The following CCNB1IP1 variants were observed in gnomAD, a reference collection of about 807,000 sequenced individuals.
The protein encoded by CCNB1IP1 is E3 ubiquitin-protein ligase CCNB1IP1.
Under a neutral mutation model 25.6 loss-of-function variants are expected in CCNB1IP1, and 14 were observed. That is an observed-to-expected ratio of 0.55 (90% CI 0.36 to 0.85). The LOEUF (loss-of-function observed/expected upper bound fraction) is 0.85. Ranked by LOEUF, CCNB1IP1 falls within the 40% of genes least tolerant of loss-of-function variation. The pLI is 0.01. For synonymous variants in CCNB1IP1, 119 were observed against 116.1 expected (o/e 1.02, Z -0.16); for missense variants, 278 against 342.4 (o/e 0.81, Z 1.48).
In CCNB1IP1 at chr14:20,311,614, G is replaced by A. The variant is rs1882482988; in HGVS notation, c.770C>T (p.Ser257Phe). The change falls in exon 7 of 7, where the codon TCT (serine) becomes TTT (phenylalanine). Residue 257 changes from serine (S) to phenylalanine (F), a missense_variant. Physicochemically the swap from Ser to Phe is radical, Grantham distance 155. Coordinates refer to ENST00000358932, the MANE Select transcript of CCNB1IP1 (RefSeq NM_021178.5). ...EPSNSFFSFVSPSRELEQQQV... is the reference protein window; with the variant it reads ...EPSNSFFSFVFPSRELEQQQV... ...CTGCTGCTCTAATTCACGACTTGGA[G>A]AGACAAAACTAAAAAAGCTGTTGCT... 1.2e-6 allele frequency: 2 copies of A among 1,614,048 alleles called. No individual in the cohort carries two copies. Among genetic ancestry groups the A allele is most frequent in the Non-Finnish European group, 1.7e-6 (2 of 1,180,014 alleles).
At chr14:20,324,976 A>AT (rs1277607409) in intron 4 of CCNB1IP1, among the ~76,000 whole-genome samples, 25 of 152,088 alleles carry the variant, frequency 1.6e-4, no homozygotes, top group African/African-American at 5.1e-4. Context: ...GGCCCAGATA[A>AT]TTTTTTGTAT....
chr14:20,331,679 A>G (rs1300729621), intron 1 of CCNB1IP1, among the ~76,000 whole-genome samples: 1 of 152,122 alleles, frequency 6.6e-6, no homozygotes, highest in African/African-American at 2.4e-5. Context: ...CTGAGTTACC[A>G]TTATACCCTG....
chr14:20,320,990 T>C (rs1882876707), intron 4 of CCNB1IP1, among the ~76,000 whole-genome samples: 1 of 151,002 alleles, frequency 6.6e-6, no homozygotes, highest in Non-Finnish European at 1.5e-5. Context: ...ATACAAAAAT[T>C]AGCTGGGTAT....
chr14:20,313,337 G>T (rs1473304717), intron 6 of CCNB1IP1, 131 bp downstream of exon 6: 15 of 618,412 alleles, frequency 2.4e-5, no homozygotes, highest in Non-Finnish European at 3.5e-5. Context: ...CATGGGTGAA[G>T]AATTCAGAGC....
chr14:20,313,474 G>T lies in CCNB1IP1; in HGVS notation c.625C>A (p.Pro209Thr). The T allele has an allele frequency of 6.4e-7, 1 of 1,574,254 alleles. No individual in the cohort carries two copies. The highest frequency in any genetic ancestry group is 8.6e-7 in the Non-Finnish European group (1 of 1,159,576). The change falls in exon 6 of 7, where the codon CCA becomes ACA. Residue 209 changes from proline to threonine, a missense_variant. Coordinates refer to ENST00000358932, the MANE Select transcript of CCNB1IP1 (RefSeq NM_021178.5). ...GATACATGTCCTTTCTTACCTAATG[G>T]GAAGCCAAGAACACCAGACTGTGCA... ...MIAQSGVLGF[P>T]LGNNSKFPLD...
chr14:20,315,286 T>C (rs957785066), intron 5 of CCNB1IP1, among the ~76,000 whole-genome samples: 13 of 152,066 alleles, frequency 8.5e-5, no homozygotes, highest in African/African-American at 3.1e-4. Context: ...CAATACCAAC[T>C]TCTGGCAAAG....
chr14:20,316,616 TAAAAAAG>T, intron 4 of CCNB1IP1, 56 bp from the exon 5 acceptor site: 2 of 982,588 alleles, frequency 2.0e-6, no homozygotes, highest in Non-Finnish European at 3.0e-6. Flanking sequence ...AAAATAAAAG[TAAAAAAG>T]AAATATAACA....
chr14:20,330,039 C>T (rs1883186189), intron 1 of CCNB1IP1, among the ~76,000 whole-genome samples: 1 of 151,142 alleles, frequency 6.6e-6, no homozygotes, highest in African/African-American at 2.4e-5. Context: ...CTTGCCCAAG[C>T]TCAACCAGCT....
intron 4 of CCNB1IP1, among the ~76,000 whole-genome samples, chr14:20,318,665 T>A (rs1882795609): frequency 6.6e-6 from 1 of 152,178 alleles, no homozygotes; most frequent in Non-Finnish European, 1.5e-5. Context: ...CTTTAGGTAA[T>A]TATTTTCTGC....
At chr14:20,326,412 C>A (rs1288158806) in intron 3 of CCNB1IP1, 2 of 515,412 alleles carry the variant, frequency 3.9e-6, no homozygotes, top group Admixed American at 4.2e-5. Flanking sequence ...TGAATTCCAA[C>A]AAGCAGAATT....
chr14:20,325,316 G>C (rs1189243858), intron 4 of CCNB1IP1, among the ~76,000 whole-genome samples: 2 of 151,106 alleles, frequency 1.3e-5, no homozygotes, highest in African/African-American at 4.8e-5. Context: ...AGCTACTTGG[G>C]AGGCTGAGGC....
chr14:20,315,986 G>A, intron 5 of CCNB1IP1: 1 of 499,890 alleles, frequency 2.0e-6, no homozygotes, highest in South Asian at 2.4e-5. Flanking sequence ...GTGTGAGTGT[G>A]TGTGTGTGTA....
At chr14:20,312,408 G>T (rs968531169) in intron 6 of CCNB1IP1, among the ~76,000 whole-genome samples, 1 of 151,280 alleles carries the variant, frequency 6.6e-6, no homozygotes, top group African/African-American at 2.4e-5. Flanking sequence ...TAGAGACAGG[G>T]TCTCACTATA....
At position 20,311,756 on chromosome 14, in the gene CCNB1IP1, G is replaced by A. The variant is rs761623936; in HGVS notation, c.632-4C>T. 3.7e-6 allele frequency: 6 copies of A among 1,608,774 alleles called. No individual in the cohort carries two copies. Among genetic ancestry groups the A allele is most frequent in the Non-Finnish European group, 5.1e-6 (6 of 1,176,834 alleles). ...AAAGGAAACTTGGAGTTGTTACCTA[G>A]GGCAGAAAAAAAGGAAAAACATAAT... On this transcript the variant is annotated splice_region_variant and splice_polypyrimidine_tract_variant and intron_variant, in intron 6 of 6. Transcript: ENST00000358932.
intron 4 of CCNB1IP1, among the ~76,000 whole-genome samples, chr14:20,319,663 G>GATTA (rs1262827428): frequency 1.3e-5 from 2 of 152,102 alleles, no homozygotes; most frequent in African/African-American, 4.8e-5. Flanking sequence ...TCTTCTAATA[G>GATTA]ACATTGATTG....
chr14:20,319,031 G>A (rs373461312), intron 4 of CCNB1IP1: 4 of 152,252 alleles, frequency 2.6e-5, no homozygotes, highest in South Asian at 4.1e-4. Flanking sequence ...CCAACGTGCC[G>A]GGATTACAGG....
At chr14:20,314,611 A>AC (rs1882615232) in intron 5 of CCNB1IP1, 1 of 152,188 alleles carries the variant, frequency 6.6e-6, no homozygotes, top group South Asian at 2.1e-4. Flanking sequence ...GATAAGCAGG[A>AC]CTTCATTAAA....
intron 1 of CCNB1IP1, among the ~76,000 whole-genome samples, chr14:20,332,024 A>ATTTTTTTTTTTTTTT (rs1262694211): frequency 4.0e-5 from 2 of 50,204 alleles, no homozygotes; most frequent in African/African-American, 1.9e-4. Flanking sequence ...ATATATATAT[A>ATTTTTTTTTTTTTTT]TATTTTTTTT....
At chr14:20,323,186 T>C (rs913245284) in intron 4 of CCNB1IP1, 4 of 152,148 alleles carry the variant, frequency 2.6e-5, no homozygotes, top group Non-Finnish European at 5.9e-5. Flanking sequence ...AGTAATTGTT[T>C]GACTCCGCAA....
Sources: gnomAD v4.1 joint callset for allele counts (sites outside exome capture counted in the v4.1 genomes callset) on GRCh38, gnomAD v4.1.1 for gene constraint, MANE v1.5 for transcripts, NCBI Gene and HGNC (gene_info 2026-07-23, HGNC 2026-07-21) for gene names.